Variants in NDUFAF6 observed in about 807,000 individuals in gnomAD.
The protein encoded by NDUFAF6 is NADH dehydrogenase (ubiquinone) complex I, assembly factor 6.
NDUFAF6 carries 45 observed loss-of-function variants against 40.8 expected under a neutral mutation model. That is an observed-to-expected ratio of 1.10 (90% confidence interval 0.87 to 1.42). The LOEUF (loss-of-function observed/expected upper bound fraction) is 1.42. Among genes scored for constraint, NDUFAF6 ranks in the 40% most tolerant of loss-of-function variants. The pLI, the probability that NDUFAF6 is intolerant of heterozygous loss-of-function variation, is 0.00. For missense variants in NDUFAF6, 435 were observed against 418.5 expected (o/e 1.04, Z -0.34); for synonymous variants, 185 against 155.9 (o/e 1.19, Z -1.39).
At chr8:94,981,462 C>T (rs544895484) in intron 2 of NDUFAF6, among the ~76,000 whole-genome samples, 7 of 152,290 alleles carry the variant, frequency 4.6e-5, no homozygotes, top group African/African-American at 1.7e-4. Context: ...CCTTAATGTA[C>T]TTGAACTTGA....
chr8:95,012,643 AAAATAAAT>A (rs61552543), intron 2 of NDUFAF6, among the ~76,000 whole-genome samples: 3 of 147,310 alleles, frequency 2.0e-5, no homozygotes, highest in African/African-American at 5.0e-5. Context: ...CTCTGTCTCT[AAAATAAAT>A]AAATAAATAA....
At chr8:94,940,919 A>G in intron 1 of NDUFAF6, 1 of 1,613,742 alleles carries the variant, frequency 6.2e-7, no homozygotes, top group Non-Finnish European at 8.5e-7. Flanking sequence ...ACCCACAAAC[A>G]TTTTATTCAG....
chr8:94,960,434 T>TAGAC (rs35983012), intron 1 of NDUFAF6, among the ~76,000 whole-genome samples: 76,851 of 151,924 alleles, frequency 0.51, 19,846 homozygotes, highest in East Asian at 0.72. Context: ...GCTGATGACT[T>TAGAC]GTCTAAGTTC....
At chr8:95,110,306 C>A (rs980746379) in intron 4 of NDUFAF6, among the ~76,000 whole-genome samples, 2 of 152,188 alleles carry the variant, frequency 1.3e-5, no homozygotes, top group Non-Finnish European at 2.9e-5. Context: ...TGTCAAGATG[C>A]CTTTGTGGAG....
chr8:95,038,524 T>G (rs1041908693), intron 3 of NDUFAF6, among the ~76,000 whole-genome samples: 1 of 151,912 alleles, frequency 6.6e-6, no homozygotes, highest in Non-Finnish European at 1.5e-5. Flanking sequence ...TTTTTTTAAT[T>G]TTTAGTACAG....
chr8:94,956,505 C>CAG (rs1198357801), upstream of NDUFAF6, among the ~76,000 whole-genome samples: 2 of 152,112 alleles, frequency 1.3e-5, no homozygotes, highest in African/African-American at 4.8e-5. Context: ...GAGACCAGAT[C>CAG]AGAGAGGTGG....
At chr8:94,906,106 G>C (rs1160763429) in intron 1 of NDUFAF6, among the ~76,000 whole-genome samples, 1 of 152,162 alleles carries the variant, frequency 6.6e-6, no homozygotes, top group Non-Finnish European at 1.5e-5. Flanking sequence ...TCATGTTTAT[G>C]AACTCCAAAG....
At chr8:94,945,224 C>T (rs895089957) in intron 1 of NDUFAF6, among the ~76,000 whole-genome samples, 1 of 152,098 alleles carries the variant, frequency 6.6e-6, no homozygotes, top group African/African-American at 2.4e-5. Context: ...AAATATAGAT[C>T]AAGTACTTCA....
intron 1 of NDUFAF6, among the ~76,000 whole-genome samples, chr8:94,965,223 A>G (rs1277842936): frequency 6.6e-6 from 1 of 150,508 alleles, no homozygotes; most frequent in Non-Finnish European, 1.5e-5. Flanking sequence ...TTACTGGGCC[A>G]TATACATATC....
At chr8:95,013,308 G>A (rs1213675093) in intron 2 of NDUFAF6, among the ~76,000 whole-genome samples, 1 of 152,122 alleles carries the variant, frequency 6.6e-6, no homozygotes, top group Non-Finnish European at 1.5e-5. Flanking sequence ...GTCTTGCTAT[G>A]CTGTCCAGAC....
intron 2 of NDUFAF6, among the ~76,000 whole-genome samples, chr8:95,086,649 T>A (rs1256403335): frequency 6.7e-6 from 1 of 150,190 alleles, no homozygotes; most frequent in South Asian, 2.1e-4. Context: ...TTGCCCAGGC[T>A]GGAGTGCAGT....
At chr8:95,078,101 G>A (rs1463566627), downstream of NDUFAF6, among the ~76,000 whole-genome samples, 1 of 152,104 alleles carries the variant, frequency 6.6e-6, no homozygotes, top group Non-Finnish European at 1.5e-5. Context: ...AGTGAGCCTG[G>A]GACAAAGGAG....
chr8:94,924,062 GTT>G, intron 1 of NDUFAF6, among the ~76,000 whole-genome samples: 1 of 149,464 alleles, frequency 6.7e-6, no homozygotes, highest in Middle Eastern at 3.6e-3. Context: ...CCTCAGTTTT[GTT>G]TTGTTTTGTT....
intron 1 of NDUFAF6, among the ~76,000 whole-genome samples, chr8:94,938,835 G>A (rs1228375462): frequency 1.3e-5 from 2 of 152,190 alleles, no homozygotes; most frequent in Non-Finnish European, 1.5e-5. Context: ...TCAAACCCAA[G>A]GAAGGGGTCG....
chr8:94,922,438 C>G (rs1488469573), intron 1 of NDUFAF6, among the ~76,000 whole-genome samples: 2 of 151,558 alleles, frequency 1.3e-5, no homozygotes, highest in Non-Finnish European at 2.9e-5. Context: ...TGCAGAATCT[C>G]TGGCCCCATA....
In NDUFAF6 at chr8:95,025,223, T is replaced by A; in HGVS notation, c.197+18T>A. On this transcript the variant is annotated intron_variant, in intron 1 of 8. Coordinates refer to ENST00000396124, the MANE Select transcript of NDUFAF6 (RefSeq NM_152416.4). ...CTGCTGCGGTGAGCGAGCACGACCT[T>A]CCCTGGCGCGGCGGGAAGCGGGGTC... 7.2e-7 allele frequency: 1 copy of A among 1,393,770 alleles called. No individual in the cohort carries two copies. Among genetic ancestry groups the A allele is most frequent in the South Asian group, 1.6e-5 (1 of 62,806 alleles). The allele number at this position is 1,393,770 out of a possible 1,614,324, so 86.3% of individuals were successfully genotyped here.
In NDUFAF6 at chr8:94,939,635, T is replaced by C. The variant is rs553312010; in HGVS notation, c.-935-5848T>C. Reference sequence around the variant, plus strand: ...GTGGTCTTGAACTCCTGAGCTTAAGTGATCTGCCTGCCTTGGCCTCCCAAA... The same window carrying C: ...GTGGTCTTGAACTCCTGAGCTTAAGCGATCTGCCTGCCTTGGCCTCCCAAA... On this transcript the variant is annotated intron_variant, in intron 1 of 14. Coordinates refer to the NDUFAF6 transcript ENST00000396113. 42 of 542,290 alleles carry C rather than the reference T, an allele frequency of 7.7e-5. 1 individual carries two copies. The highest frequency in any genetic ancestry group is 7.7e-4 in the South Asian group (41 of 52,968). The allele number at this position is 542,290 out of a possible 1,614,324, so 33.6% of individuals were successfully genotyped here.
At chr8:95,081,475 T>G (rs1466136492) in intron 2 of NDUFAF6, among the ~76,000 whole-genome samples, 2 of 152,192 alleles carry the variant, frequency 1.3e-5, no homozygotes, top group East Asian at 3.9e-4. Flanking sequence ...TGGCTAGTCT[T>G]GCATTCCTCA....
At chr8:95,017,373 A>T (rs995353628) in intron 2 of NDUFAF6, among the ~76,000 whole-genome samples, 9 of 152,070 alleles carry the variant, frequency 5.9e-5, no homozygotes, top group Admixed American at 6.6e-5. Flanking sequence ...GGATTAAGCA[A>T]CCTGACTTTC....
Sources: gnomAD v4.1 joint callset for allele counts (sites outside exome capture counted in the v4.1 genomes callset) on GRCh38, gnomAD v4.1.1 for gene constraint, MANE v1.5 for transcripts, NCBI Gene and HGNC (gene_info 2026-07-23, HGNC 2026-07-21) for gene names.